Variants in CSMD1 observed in about 807,000 individuals in gnomAD.
CSMD1 encodes the protein CUB and Sushi multiple domains 1.
In CSMD1, 213 loss-of-function variants were observed where a neutral mutation model predicts 417.5. That is an observed-to-expected ratio of 0.51 (90% confidence interval 0.46 to 0.57). The LOEUF is 0.57. Ranked by LOEUF, CSMD1 falls within the 20% of genes least tolerant of loss-of-function variation. The pLI is 0.00. For missense variants in CSMD1, 6,923 were observed against 4,529.7 expected, an observed-to-expected ratio of 1.53 and a Z score of -15.17; for synonymous variants, 2,862 against 1,736.8, an observed-to-expected ratio of 1.65 and a Z score of -16.11.
chr8:3,902,899 C>T (rs1268759674), intron 5 of CSMD1, among the ~76,000 whole-genome samples: 1 of 152,150 alleles, frequency 6.6e-6, no homozygotes, highest in Non-Finnish European at 1.5e-5. Flanking sequence ...CATTGATCAT[C>T]CTGATCTTAA....
intron 1 of CSMD1, among the ~76,000 whole-genome samples, chr8:4,898,801 T>C (rs928248106): frequency 1.3e-5 from 2 of 152,132 alleles, no homozygotes; most frequent in African/African-American, 4.8e-5. Flanking sequence ...GCATAATAAA[T>C]ATTTATATTT....
chr8:3,891,974 G>A (rs763556102), intron 5 of CSMD1, among the ~76,000 whole-genome samples: 1 of 151,928 alleles, frequency 6.6e-6, no homozygotes, highest in Non-Finnish European at 1.5e-5. Flanking sequence ...GCACAGCATC[G>A]GCTACTTCAA....
chr8:4,195,127 GA>G (rs1563254374), intron 3 of CSMD1, among the ~76,000 whole-genome samples: 1 of 152,152 alleles, frequency 6.6e-6, no homozygotes, highest in African/African-American at 2.4e-5. Flanking sequence ...CATTTTAAAG[GA>G]AAAATTCTAC....
chr8:3,341,472 A>T (rs1807642400), intron 23 of CSMD1, among the ~76,000 whole-genome samples: 1 of 152,222 alleles, frequency 6.6e-6, no homozygotes, highest in South Asian at 2.1e-4. Flanking sequence ...GGAACATGGG[A>T]AACAGTTACT....
chr8:3,153,784 C>A (rs890439188), intron 39 of CSMD1, among the ~76,000 whole-genome samples: 2 of 152,202 alleles, frequency 1.3e-5, no homozygotes, highest in African/African-American at 4.8e-5. Context: ...TGATGGGAAA[C>A]TGATCATGGG....
intron 4 of CSMD1, among the ~76,000 whole-genome samples, chr8:4,026,515 G>C (rs879884996): frequency 2.0e-5 from 3 of 152,160 alleles, no homozygotes; most frequent in Non-Finnish European, 4.4e-5. Flanking sequence ...TGGAGGATAT[G>C]TAAGCAAAAA....
At chr8:3,756,994 G>T (rs930321998) in intron 5 of CSMD1, among the ~76,000 whole-genome samples, 1 of 152,004 alleles carries the variant, frequency 6.6e-6, no homozygotes, top group East Asian at 1.9e-4. Flanking sequence ...AGAGACTGGG[G>T]GTCTCACTAT....
At chr8:4,262,295 T>A (rs1275769175) in intron 3 of CSMD1, among the ~76,000 whole-genome samples, 1 of 152,178 alleles carries the variant, frequency 6.6e-6, no homozygotes, top group Non-Finnish European at 1.5e-5. Flanking sequence ...CCTTTCTTGC[T>A]GCCAGGCGTC....
intron 7 of CSMD1, among the ~76,000 whole-genome samples, chr8:3,646,832 C>G (rs1373626833): frequency 6.6e-6 from 1 of 152,172 alleles, no homozygotes; most frequent in Non-Finnish European, 1.5e-5. Context: ...CCTCCTCCCA[C>G]CCGCTGGCTG....
chr8:4,837,364 T>C (rs1800556517), intron 1 of CSMD1, among the ~76,000 whole-genome samples: 1 of 152,076 alleles, frequency 6.6e-6, no homozygotes, highest in South Asian at 2.1e-4. Context: ...CATCAACAGA[T>C]GATAAAGAAA....
At chr8:3,206,943 G>A (rs888176667) in intron 30 of CSMD1, among the ~76,000 whole-genome samples, 1 of 151,934 alleles carries the variant, frequency 6.6e-6, no homozygotes, top group Non-Finnish European at 1.5e-5. Context: ...CCCCTCATCT[G>A]TTTAACATAG....
chr8:3,984,020 G>T (rs928301345), intron 5 of CSMD1, among the ~76,000 whole-genome samples: 10 of 148,366 alleles, frequency 6.7e-5, no homozygotes, highest in Admixed American at 6.7e-4. Context: ...GCTGTCAATT[G>T]CAGCTCTAGA....
chr8:3,595,828 A>G lies in CSMD1; in HGVS notation c.1098-9568T>C, dbSNP rs147555311. 3.0e-3 allele frequency among the ~76,000 whole-genome samples: 454 copies of G among 152,324 alleles called. 4 individuals are homozygous for G. The highest frequency in any genetic ancestry group is 0.011 in the African/African-American group (438 of 41,580). The stretch of plus-strand genomic sequence containing the variant: ...TCCTCACGTTCACCCACCTATCTAT[A>G]CAAAGGCAAAAGCTGTTTGCACACT... On this transcript the variant is annotated intron_variant, in intron 8 of 69. Coordinates refer to ENST00000635120, the MANE Select transcript of CSMD1 (RefSeq NM_033225.6).
chr8:3,984,181 G>C (rs1342249788), intron 5 of CSMD1, among the ~76,000 whole-genome samples: 2 of 152,220 alleles, frequency 1.3e-5, no homozygotes, highest in Non-Finnish European at 2.9e-5. Flanking sequence ...ATTCAGGTCA[G>C]GAACCTCTCA....
intron 33 of CSMD1, among the ~76,000 whole-genome samples, chr8:3,198,520 C>T (rs1796822594): frequency 6.6e-6 from 1 of 152,122 alleles, no homozygotes; most frequent in South Asian, 2.1e-4. Context: ...AATGTAACAC[C>T]TTTTAATGCA....
intron 42 of CSMD1, among the ~76,000 whole-genome samples, chr8:3,113,789 T>A (rs144693618): frequency 6.6e-6 from 1 of 152,016 alleles, no homozygotes; most frequent in African/African-American, 2.4e-5. Context: ...AACTGGGGGG[T>A]TGGCACACCT....
intron 3 of CSMD1, among the ~76,000 whole-genome samples, chr8:4,307,455 C>T (rs1481849030): frequency 1.3e-5 from 2 of 152,106 alleles, no homozygotes; most frequent in African/African-American, 2.4e-5. Context: ...TTCTGAAAGC[C>T]CATGTTACAT....
intron 3 of CSMD1, among the ~76,000 whole-genome samples, chr8:4,041,707 C>T (rs1489772076): frequency 1.3e-5 from 2 of 152,090 alleles, no homozygotes; most frequent in African/African-American, 2.4e-5. Flanking sequence ...TGAACACCAA[C>T]ATTAAAACTG....
intron 3 of CSMD1, among the ~76,000 whole-genome samples, chr8:4,037,015 T>G (rs754272969): frequency 3.3e-5 from 5 of 151,588 alleles, no homozygotes; most frequent in African/African-American, 4.8e-5. Context: ...CATGGTAGTG[T>G]GTCCTGTCCA....
Sources: gnomAD v4.1 joint callset for allele counts (sites outside exome capture counted in the v4.1 genomes callset) on GRCh38, gnomAD v4.1.1 for gene constraint, MANE v1.5 for transcripts, NCBI Gene and HGNC (gene_info 2026-07-23, HGNC 2026-07-21) for gene names.